LMAN1: variants seen among roughly 807,000 people sequenced by gnomAD.
The protein encoded by LMAN1 is lectin, mannose binding 1, also known as protein ERGIC-53.
In LMAN1, 32 loss-of-function variants were observed where a neutral mutation model predicts 67.8. That is an observed-to-expected ratio of 0.47 (90% CI 0.36 to 0.63). The LOEUF (loss-of-function observed/expected upper bound fraction) is 0.63. Among genes scored for constraint, LMAN1 ranks in the 30% least tolerant of loss-of-function variants. The pLI is 0.00. For synonymous variants in LMAN1, 235 were observed against 219.3 expected, an observed-to-expected ratio of 1.07 and a Z score of -0.63; for missense variants, 632 against 628.2, an observed-to-expected ratio of 1.01 and a Z score of -0.06.
chr18:59,350,214 A>G (rs1178002907), intron 5 of LMAN1, among the ~76,000 whole-genome samples: 1 of 152,248 alleles, frequency 6.6e-6, no homozygotes, highest in Non-Finnish European at 1.5e-5. Context: ...AATTAATTTT[A>G]AAAGATCATT....
At chr18:59,354,653 A>C (rs933596641) in intron 3 of LMAN1, 73 bp from the exon 4 acceptor site, 2 of 756,964 alleles carry the variant, frequency 2.6e-6, no homozygotes, top group East Asian at 5.1e-5. Flanking sequence ...TGTACTATGA[A>C]GTGACTTACA....
chr18:59,350,471 A>G (rs1267803243), intron 5 of LMAN1, among the ~76,000 whole-genome samples: 1 of 152,094 alleles, frequency 6.6e-6, no homozygotes, highest in African/African-American at 2.4e-5. Context: ...ATGAGTCTTC[A>G]TTGTCTAGTT....
chr18:59,334,756 ATTTC>A (rs978078921), intron 10 of LMAN1, among the ~76,000 whole-genome samples: 17 of 152,192 alleles, frequency 1.1e-4, no homozygotes, highest in Non-Finnish European at 2.1e-4. Flanking sequence ...GCTAAAAAAA[ATTTC>A]TTTGATTCCT....
chr18:59,335,678 T>C (rs1908129413), intron 10 of LMAN1, among the ~76,000 whole-genome samples: 1 of 151,980 alleles, frequency 6.6e-6, no homozygotes, highest in Non-Finnish European at 1.5e-5. Flanking sequence ...AACCAGGATA[T>C]AGGAGGAATA....
chr18:59,349,729 A>C (rs1443896004), intron 5 of LMAN1, among the ~76,000 whole-genome samples: 1 of 152,240 alleles, frequency 6.6e-6, no homozygotes, highest in East Asian at 1.9e-4. Context: ...CAAAAGTGAC[A>C]GAAGTCATAC....
intron 10 of LMAN1, among the ~76,000 whole-genome samples, 160 bp downstream of exon 10, chr18:59,338,397 A>C (rs541091402): frequency 9.2e-5 from 14 of 152,330 alleles, no homozygotes; most frequent in African/African-American, 3.1e-4. Context: ...TTGAATATTA[A>C]AAGTTGCTGT....
At chr18:59,339,060 C>T (rs868210149) in intron 8 of LMAN1, 107 bp from the exon 9 acceptor site, 10 of 793,976 alleles carry the variant, frequency 1.3e-5, no homozygotes, top group Middle Eastern at 2.2e-4. Context: ...AGGACATCAC[C>T]ATCACAGTGG....
chr18:59,353,238 G>A lies in LMAN1; in HGVS notation c.603C>T (p.Val201=). 1 of 1,614,002 alleles carries A rather than the reference G, an allele frequency of 6.2e-7. No homozygotes were observed. The highest frequency in any genetic ancestry group is 8.5e-7 in the Non-Finnish European group (1 of 1,179,940). The part of the protein sequence containing the change: ...QRDFRNKPYP[V]RAKITYYQNT... ...TCTGGTAATAGGTAATCTTTGCTCG[G>A]ACAGGATAGGGTTTGTTGCGGAAGT... Residue 201 remains valine (V), a synonymous_variant, in exon 5 of 13, where the codon GTC becomes GTT. Transcript: ENST00000251047.
intron 3 of LMAN1, among the ~76,000 whole-genome samples, chr18:59,355,101 T>C (rs140616210): frequency 1.2e-3 from 179 of 152,320 alleles, no homozygotes; most frequent in African/African-American, 4.1e-3. Flanking sequence ...GGCTCTACTA[T>C]GCCCTCAAGC....
In LMAN1 at chr18:59,328,121, A is replaced by T. The variant is rs1165163555; in HGVS notation, c.*2972T>A. On this transcript the variant is annotated 3_prime_UTR_variant, in exon 13 of 13. Coordinates refer to ENST00000251047, the MANE Select transcript of LMAN1 (RefSeq NM_005570.4). Reference sequence around the variant, plus strand: ...AATAAGCACATGGACAGGGAAAGATAATCACACCTTAATATTCACAACTGC... The same window carrying T: ...AATAAGCACATGGACAGGGAAAGATTATCACACCTTAATATTCACAACTGC... 6.6e-6 allele frequency: 1 copy of T among 152,234 alleles called. No homozygotes were observed. Among genetic ancestry groups the T allele is most frequent in the Non-Finnish European group, 1.5e-5 (1 of 68,032 alleles). The allele number at this position is 152,234 out of a possible 1,614,324, so 9.4% of individuals were successfully genotyped here.
At chr18:59,342,768 C>T (rs572032782) in intron 8 of LMAN1, among the ~76,000 whole-genome samples, 2 of 151,706 alleles carry the variant, frequency 1.3e-5, no homozygotes, top group Non-Finnish European at 2.9e-5. Flanking sequence ...ATCACTCTTA[C>T]GTGTAATAAC....
intron 10 of LMAN1, among the ~76,000 whole-genome samples, chr18:59,335,025 C>T (rs964490677): frequency 3.3e-5 from 5 of 152,122 alleles, no homozygotes; most frequent in Admixed American, 1.3e-4. Flanking sequence ...ACAGCTAGGA[C>T]GTCCTGACAA....
At position 59,359,025 on chromosome 18, in the gene LMAN1, G is replaced by A. The variant is rs781206504; in HGVS notation, c.214+6C>T. On this transcript the variant is annotated splice_donor_region_variant and intron_variant, in intron 1 of 12. Transcript: ENST00000251047. ...ACCCGGCCCCCAGCCCTCTGCTCCG[G>A]CTTACTCCCCGCGTGGGCCCAGAAG... is the stretch of plus-strand genomic sequence containing the variant. 6.2e-6 allele frequency: 10 copies of A among 1,613,364 alleles called. No individual in the cohort carries two copies. Among genetic ancestry groups the A allele is most frequent in the African/African-American group, 5.3e-5 (4 of 74,914 alleles).
chr18:59,350,241 TTAATA>T (rs1471083638), intron 5 of LMAN1, among the ~76,000 whole-genome samples: 3 of 152,228 alleles, frequency 2.0e-5, no homozygotes, highest in Non-Finnish European at 2.9e-5. Flanking sequence ...TTGGTTCATA[TTAATA>T]TGTTTCCTGT....
At chr18:59,339,171 G>A (rs1908232398) in intron 8 of LMAN1, among the ~76,000 whole-genome samples, 1 of 151,902 alleles carries the variant, frequency 6.6e-6, no homozygotes, top group African/African-American at 2.4e-5. Flanking sequence ...TTATAAACTG[G>A]GTTTAAATTT....
intron 8 of LMAN1, among the ~76,000 whole-genome samples, chr18:59,344,429 G>C (rs1908354711): frequency 6.6e-6 from 1 of 152,062 alleles, no homozygotes; most frequent in African/African-American, 2.4e-5. Context: ...AGAAAATGTG[G>C]CGTGTGTGTG....
At chr18:59,331,600 A>C in intron 11 of LMAN1, 61 bp from the exon 12 acceptor site, 3 of 1,557,524 alleles carry the variant, frequency 1.9e-6, no homozygotes, top group African/African-American at 1.4e-5. Flanking sequence ...AAAAGAAATA[A>C]ATGTGAAATC....
intron 10 of LMAN1, 73 bp from the exon 11 acceptor site, chr18:59,333,317 C>G: frequency 8.6e-6 from 10 of 1,160,934 alleles, no homozygotes; most frequent in Non-Finnish European, 1.1e-5. Context: ...ATCTCCAATA[C>G]TTTTACTTTT....
In LMAN1 at chr18:59,329,040, T is replaced by G. The variant is rs2070731567; in HGVS notation, c.*2053A>C. On this transcript the variant is annotated 3_prime_UTR_variant, in exon 13 of 13. Transcript: ENST00000251047. ...AAATAGTACAGAAATGAAAGAATCC[T>G]GGCAGTGATTGATTTTTCCACAGAG... The G allele has an allele frequency of 6.6e-6, 1 of 152,172 alleles. No individual in the cohort carries two copies. The highest frequency in any genetic ancestry group is 1.5e-5 in the Non-Finnish European group (1 of 68,006). The allele number at this position is 152,172 out of a possible 1,614,324, so 9.4% of individuals were successfully genotyped here. A position where few individuals can be genotyped will look rare whatever the true frequency, so the allele number is the denominator to read the frequency against.
Sources: gnomAD v4.1 joint callset for allele counts (sites outside exome capture counted in the v4.1 genomes callset) on GRCh38, gnomAD v4.1.1 for gene constraint, MANE v1.5 for transcripts, NCBI Gene and HGNC (gene_info 2026-07-23, HGNC 2026-07-21) for gene names.